Variants in PCDH15 observed in about 807,000 individuals in gnomAD.
PCDH15 encodes the protein protocadherin related 15, also known as protocadherin-15.
PCDH15 carries 129 observed loss-of-function variants against 178.5 expected under a neutral mutation model. The ratio of observed to expected loss-of-function variants is 0.72; its 90% confidence interval spans 0.63 to 0.84. The LOEUF is 0.84. Among genes scored for constraint, PCDH15 ranks in the 40% least tolerant of loss-of-function variants. The pLI is 0.00. For missense variants in PCDH15, 2,230 were observed against 2,099.9 expected, an observed-to-expected ratio of 1.06 and a Z score of -1.21; for synonymous variants, 800 against 732.0, an observed-to-expected ratio of 1.09 and a Z score of -1.50.
chr10:54,228,018 G>C (rs144120304), intron 9 of PCDH15, among the ~76,000 whole-genome samples: 2 of 152,100 alleles, frequency 1.3e-5, no homozygotes, highest in South Asian at 4.1e-4. Flanking sequence ...AAACTTTCTC[G>C]CATCTTCCTA....
chr10:54,546,437 G>A (rs899361722), intron 2 of PCDH15, among the ~76,000 whole-genome samples: 1 of 151,842 alleles, frequency 6.6e-6, no homozygotes, highest in Non-Finnish European at 1.5e-5. Context: ...CATTATTATT[G>A]TTATTAGTGA....
intron 2 of PCDH15, among the ~76,000 whole-genome samples, chr10:54,597,695 AG>A (rs2092309439): frequency 6.6e-6 from 1 of 152,118 alleles, no homozygotes; most frequent in Admixed American, 6.6e-5. Context: ...CGAAGCCAGG[AG>A]TTGACTTTTT....
In PCDH15 at chr10:54,153,174, C is replaced by T. The variant is rs2044718886; in HGVS notation, c.1710G>A (p.Gly570=). 1 of 1,613,850 alleles carries T rather than the reference C, an allele frequency of 6.2e-7. No individual in the cohort carries two copies. Among genetic ancestry groups the T allele is most frequent in the Non-Finnish European group, 8.5e-7 (1 of 1,179,886 alleles). Residue 570 remains glycine, a synonymous_variant, in exon 14 of 38, where the codon GGG becomes GGA. Coordinates refer to ENST00000644397, the MANE Select transcript of PCDH15 (RefSeq NM_001384140.1). ...AAGTCCGCCCGACTATCATTTCCACCCCTGGAGCGATGGTGATAAGCCCTG... is the reference window on the plus strand; with the variant it reads ...AAGTCCGCCCGACTATCATTTCCACTCCTGGAGCGATGGTGATAAGCCCTG... ...KTTGLITIAP[G]VEMIVGRTYA...
At chr10:54,628,591 A>G (rs1039692432) in intron 2 of PCDH15, among the ~76,000 whole-genome samples, 1 of 152,182 alleles carries the variant, frequency 6.6e-6, no homozygotes, top group Non-Finnish European at 1.5e-5. Context: ...TTAAGCATCA[A>G]TTGAAATACG....
chr10:54,068,918 TGTAA>T (rs1311307164), intron 17 of PCDH15, among the ~76,000 whole-genome samples: 2 of 152,294 alleles, frequency 1.3e-5, no homozygotes, highest in East Asian at 3.9e-4. Context: ...TGTCGATATA[TGTAA>T]GTATGTTTAA....
intron 3 of PCDH15, among the ~76,000 whole-genome samples, chr10:54,882,656 T>C (rs1011249221): frequency 2.0e-5 from 3 of 152,056 alleles, no homozygotes; most frequent in Non-Finnish European, 4.4e-5. Context: ...AAATGAATAA[T>C]GGATATAAAA....
chr10:54,926,838 T>C (rs1837640268), intron 2 of PCDH15, among the ~76,000 whole-genome samples: 1 of 152,008 alleles, frequency 6.6e-6, no homozygotes, highest in Non-Finnish European at 1.5e-5. Flanking sequence ...TGGATCTGTT[T>C]ACTTTTTTAT....
intron 2 of PCDH15, among the ~76,000 whole-genome samples, chr10:55,136,297 A>G (rs1275501859): frequency 6.6e-6 from 1 of 152,162 alleles, no homozygotes; most frequent in African/African-American, 2.4e-5. Context: ...TCTGTTAAAC[A>G]AAGGATTGGA....
chr10:54,260,715 G>C (rs530869309), intron 8 of PCDH15, among the ~76,000 whole-genome samples: 1 of 152,168 alleles, frequency 6.6e-6, no homozygotes, highest in South Asian at 2.1e-4. Context: ...CAAGTAGCTG[G>C]AACTACTACT....
At chr10:54,968,668 G>A (rs1838856817) in intron 2 of PCDH15, among the ~76,000 whole-genome samples, 1 of 152,062 alleles carries the variant, frequency 6.6e-6, no homozygotes, top group African/African-American at 2.4e-5. Context: ...ATCTGCCCGT[G>A]TGTAGAGTCT....
intron 13 of PCDH15, among the ~76,000 whole-genome samples, chr10:54,172,818 G>A (rs1266442446): frequency 1.3e-5 from 2 of 151,820 alleles, no homozygotes; most frequent in East Asian, 3.9e-4. Context: ...AAAAATGCAA[G>A]CACCTAAGCA....
chr10:54,884,792 T>A (rs1954325335), intron 3 of PCDH15, among the ~76,000 whole-genome samples: 1 of 152,104 alleles, frequency 6.6e-6, no homozygotes, highest in South Asian at 2.1e-4. Context: ...TTCTATGTGC[T>A]CTGAGAACTA....
intron 26 of PCDH15, among the ~76,000 whole-genome samples, chr10:53,872,330 G>C (rs2079928799): frequency 1.3e-5 from 2 of 152,126 alleles, no homozygotes; most frequent in Non-Finnish European, 2.9e-5. Context: ...TCCGCTTAAA[G>C]AAACACTCCA....
At chr10:55,500,472 A>G (rs1430638761) in intron 2 of PCDH15, among the ~76,000 whole-genome samples, 4 of 151,842 alleles carry the variant, frequency 2.6e-5, no homozygotes. Context: ...AGTAATTATA[A>G]AATTCTCTGG....
At chr10:55,495,436 T>C (rs562708156) in intron 2 of PCDH15, among the ~76,000 whole-genome samples, 1 of 151,734 alleles carries the variant, frequency 6.6e-6, no homozygotes, top group Admixed American at 6.6e-5. Flanking sequence ...ATAATCCAAT[T>C]AAAAATGGGA....
chr10:53,961,972 A>C, intron 21 of PCDH15, 80 bp from the exon 22 acceptor site: 1 of 1,151,646 alleles, frequency 8.7e-7, no homozygotes. Context: ...TGGATCTTTA[A>C]AATTCATGGT....
intron 35 of PCDH15, among the ~76,000 whole-genome samples, chr10:53,812,458 C>T (rs528007958): frequency 2.0e-5 from 3 of 152,154 alleles, no homozygotes; most frequent in African/African-American, 7.2e-5. Context: ...CGTGATCAGC[C>T]CCAATCGGCC....
At chr10:55,592,106 GA>G (rs1214206197) in intron 2 of PCDH15, among the ~76,000 whole-genome samples, 3 of 152,080 alleles carry the variant, frequency 2.0e-5, no homozygotes, top group African/African-American at 7.2e-5. Flanking sequence ...TCAGTCGTGA[GA>G]AAAAAATAAA....
intron 2 of PCDH15, among the ~76,000 whole-genome samples, chr10:54,589,306 T>G (rs1439714122): frequency 6.6e-6 from 1 of 152,124 alleles, no homozygotes; most frequent in Non-Finnish European, 1.5e-5. Context: ...CTGTTCCCTC[T>G]CCCTGGAACA....
Sources: gnomAD v4.1 joint callset for allele counts (sites outside exome capture counted in the v4.1 genomes callset) on GRCh38, gnomAD v4.1.1 for gene constraint, MANE v1.5 for transcripts, NCBI Gene and HGNC (gene_info 2026-07-23, HGNC 2026-07-21) for gene names.